Variants in ZNF606 observed in about 807,000 individuals in gnomAD.
The protein encoded by ZNF606 is zinc finger protein 328.
In ZNF606, 37 loss-of-function variants were observed where a neutral mutation model predicts 74.9. The ratio of observed to expected loss-of-function variants is 0.49; its 90% CI spans 0.38 to 0.65. The LOEUF (loss-of-function observed/expected upper bound fraction) is 0.65. Ranked by LOEUF, ZNF606 falls within the 30% of genes least tolerant of loss-of-function variation. The pLI is 0.00. For missense variants in ZNF606, 852 were observed against 952.9 expected (o/e 0.89, Z 1.39); for synonymous variants, 328 against 312.4 (o/e 1.05, Z -0.53).
chr19:57,992,802 T>C (rs929754713), intron 4 of ZNF606, among the ~76,000 whole-genome samples: 11 of 152,134 alleles, frequency 7.2e-5, no homozygotes, highest in Non-Finnish European at 1.6e-4. Context: ...TTGGAATAGA[T>C]GAAAAGAAAT....
At chr19:57,985,071 G>C (rs1169258098) in intron 6 of ZNF606, among the ~76,000 whole-genome samples, 1 of 152,032 alleles carries the variant, frequency 6.6e-6, no homozygotes, top group African/African-American at 2.4e-5. Flanking sequence ...CTTGAGCCTG[G>C]GCGACAGAGC....
At chr19:58,001,100 TA>T in intron 2 of ZNF606, 188 bp downstream of exon 2, 1 of 669,800 alleles carries the variant, frequency 1.5e-6, no homozygotes, top group Non-Finnish European at 2.5e-6. Context: ...GAGATGACTA[TA>T]AAACATAAAA....
chr19:57,981,330 C>T (rs1568574381), intron 6 of ZNF606, among the ~76,000 whole-genome samples: 1 of 152,134 alleles, frequency 6.6e-6, no homozygotes, highest in Non-Finnish European at 1.5e-5. Context: ...CACTGTAATA[C>T]ACCATAATCC....
In ZNF606 at chr19:57,979,443, A is replaced by C; in HGVS notation, c.1237T>G (p.Ser413Ala). Residue 413 changes from serine (S) to alanine (A), a missense_variant, in exon 7 of 7, where the codon TCT (serine) becomes GCT (alanine). Physicochemically the swap from Ser to Ala is moderately conservative, Grantham distance 99 (BLOSUM62 1). Coordinates refer to ENST00000551380, the MANE Select transcript of ZNF606 (RefSeq NM_001348022.3). Reference protein sequence around the residue: ...NECGTSFIWSSYLIQHKKTHT... With the variant: ...NECGTSFIWSAYLIQHKKTHT... Reference sequence around the variant, plus strand: ...GTTTTCTTATGTTGAATAAGGTAAGAGCTCCAGATGAAAGACGTCCCACAT... The same window carrying C: ...GTTTTCTTATGTTGAATAAGGTAAGCGCTCCAGATGAAAGACGTCCCACAT... 1 of 1,614,096 alleles carries C rather than the reference A, an allele frequency of 6.2e-7. No homozygotes were observed. Among genetic ancestry groups the C allele is most frequent in the African/African-American group, 1.3e-5 (1 of 75,024 alleles).
At chr19:58,001,133 A>T (rs2073420953) in intron 2 of ZNF606, 156 bp downstream of exon 2, 2 of 825,494 alleles carry the variant, frequency 2.4e-6, no homozygotes, top group South Asian at 3.5e-5. Context: ...TTATGCCAAC[A>T]ATTTTCCTCC....
In ZNF606 at chr19:57,978,090, T is replaced by TA. The variant is rs1336591658; in HGVS notation, c.*210dup. 2.1e-5 allele frequency: 9 copies of TA among 439,002 alleles called. No homozygotes were observed. The East Asian group carries it at 3.3e-4, about 16-fold the overall frequency. The allele number at this position is 439,002 out of a possible 1,614,324, so 27.2% of individuals were successfully genotyped here. A position where few individuals can be genotyped will look rare whatever the true frequency, so the allele number is the denominator to read the frequency against. Reference sequence around the variant, plus strand: ...GTTTAGAGTTTCCTTCATTGTTAATTATCTGATTTTGAGTAAGGGCTAAAT... The same window carrying TA: ...GTTTAGAGTTTCCTTCATTGTTAATTAATCTGATTTTGAGTAAGGGCTAAAT... On this transcript the variant is annotated 3_prime_UTR_variant, in exon 7 of 7. Coordinates refer to ENST00000551380, the MANE Select transcript of ZNF606 (RefSeq NM_001348022.3). The surrounding 1 kb of genome is among the most constrained non-coding windows in gnomAD (Gnocchi z 4.4).
intron 6 of ZNF606, 38 bp downstream of exon 6, chr19:57,988,169 G>A (rs749278421): frequency 4.5e-6 from 7 of 1,558,474 alleles, no homozygotes; most frequent in Non-Finnish European, 6.1e-6. Flanking sequence ...AGAGGGCTTG[G>A]GGGGAAGTTC....
intron 2 of ZNF606, 27 bp downstream of exon 2, chr19:58,001,262 C>T (rs772776303): frequency 2.5e-6 from 4 of 1,613,610 alleles, no homozygotes; most frequent in African/African-American, 2.7e-5. Context: ...ATAGGGGAGG[C>T]CCAGGAGAAA....
chr19:58,003,281 A>C (rs2073473488), upstream of ZNF606: 1 of 456,650 alleles, frequency 2.2e-6, no homozygotes, highest in Non-Finnish European at 4.4e-6. Flanking sequence ...CTCGTTCCCA[A>C]GTCTCTTTCC....
chr19:57,979,725 A>T lies in ZNF606; in HGVS notation c.955T>A (p.Tyr319Asn). The change falls in exon 7 of 7, where the codon TAT becomes AAT. Residue 319 changes from tyrosine to asparagine, a missense_variant. Around this residue, in one of 3 missense-constraint regions of ZNF606, gnomAD observed 545 missense variants for 542.5 expected, o/e 1.00. Coordinates refer to ENST00000551380, the MANE Select transcript of ZNF606 (RefSeq NM_001348022.3). ...TTAAAGATTTGATGGCATTCCTTAT[A>T]TTCATAGAGTTTTTCTCCTGTGTGA... ...GIHTGEKLYE[Y>N]KECHQIFNQS... The T allele has an allele frequency of 6.2e-7, 1 of 1,613,406 alleles. No individual in the cohort carries two copies. Among genetic ancestry groups the T allele is most frequent in the Non-Finnish European group, 8.5e-7 (1 of 1,179,880 alleles).
chr19:57,989,525 C>T (rs1292823439), intron 4 of ZNF606, among the ~76,000 whole-genome samples: 1 of 152,014 alleles, frequency 6.6e-6, no homozygotes. Flanking sequence ...CAGCTCACTA[C>T]AACCTCTGCC....
At chr19:58,000,134 G>A (rs545743480) in intron 3 of ZNF606, 15 of 536,456 alleles carry the variant, frequency 2.8e-5, no homozygotes, top group African/African-American at 2.3e-4. Flanking sequence ...AGCAGTGTCT[G>A]GTCACAACCT....
intron 4 of ZNF606, among the ~76,000 whole-genome samples, chr19:57,989,331 T>G (rs1179720631): frequency 7.0e-6 from 1 of 142,572 alleles, no homozygotes; most frequent in Non-Finnish European, 1.6e-5. Flanking sequence ...CAATCTAAAC[T>G]GATTTTTTTT....
Position 57,998,018 on chromosome 19 carries a change from C to T in ZNF606, c.177+1790G>A, listed in dbSNP as rs529462525. The T allele has an allele frequency of 1.4e-4, 21 of 152,256 alleles. No homozygotes were observed. The South Asian group carries it at 3.1e-3, about 23-fold the overall frequency. 9.4% of individuals were successfully genotyped at this position (152,256 alleles called of 1,614,324 possible). ...CACCCACCAGATTTGAAACTGTGGGCGGTTTCAATAATATTTTTTAATTTG... is the reference window on the plus strand; with the variant it reads ...CACCCACCAGATTTGAAACTGTGGGTGGTTTCAATAATATTTTTTAATTTG... On this transcript the variant is annotated intron_variant, in intron 4 of 6. Coordinates refer to ENST00000551380, the MANE Select transcript of ZNF606 (RefSeq NM_001348022.3).
At chr19:57,994,779 T>C (rs1427799585) in intron 4 of ZNF606, among the ~76,000 whole-genome samples, 1 of 152,176 alleles carries the variant, frequency 6.6e-6, no homozygotes, top group East Asian at 1.9e-4. Flanking sequence ...GACCTGATAA[T>C]GTCAAGTGTC....
At position 57,978,675 on chromosome 19, in the gene ZNF606, C is replaced by A. The variant is rs1450155766; in HGVS notation, c.2005G>T (p.Ala669Ser). The A allele has an allele frequency of 1.2e-6, 2 of 1,614,098 alleles. No individual in the cohort carries two copies. The highest frequency in any genetic ancestry group is 1.7e-6 in the Non-Finnish European group (2 of 1,180,030). Residue 669 changes from alanine (A) to serine (S), a missense_variant, in exon 7 of 7, where the codon GCT becomes TCT. Physicochemically the swap from Ala to Ser is moderately conservative, Grantham distance 99 (BLOSUM62 1). Around this residue, in one of 3 missense-constraint regions of ZNF606, gnomAD observed 243 missense variants for 359.2 expected, o/e 0.68. Transcript: ENST00000551380. This position sits in a 1 kb window ranked among gnomAD's most constrained non-coding sequence, Gnocchi z 4.4. ...KSFSQSCHLV[A>S]HRRIHTGEKP... ...TCACCAGTGTGAATTCTCCGATGAG[C>A]AACAAGGTGACAGCTCTGACTGAAG...
chr19:57,988,610 G>A lies in ZNF606; in HGVS notation c.289C>T (p.His97Tyr). 1 of 1,613,938 alleles carries A rather than the reference G, an allele frequency of 6.2e-7. No homozygotes were observed. Among genetic ancestry groups the A allele is most frequent in the Non-Finnish European group, 8.5e-7 (1 of 1,179,866 alleles). The change falls in exon 5 of 7, where the codon CAC (histidine) becomes TAC (tyrosine). Residue 97 changes from histidine to tyrosine, a missense_variant. By Grantham distance (83) the His-to-Tyr change is moderately conservative. Around this residue, in one of 3 missense-constraint regions of ZNF606, gnomAD observed 545 missense variants for 542.5 expected, o/e 1.00. Coordinates refer to ENST00000551380, the MANE Select transcript of ZNF606 (RefSeq NM_001348022.3). ...YRDVMLETYGHLLSVGNQIAK... is the reference protein window; with the variant it reads ...YRDVMLETYGYLLSVGNQIAK... ...CCTGCCTTACCCACAGAGAGCAGGT[G>A]ACCATAGGTCTCCAGCATCACATCA...
At chr19:57,990,441 G>A (rs2073240612) in intron 4 of ZNF606, among the ~76,000 whole-genome samples, 1 of 149,938 alleles carries the variant, frequency 6.7e-6, no homozygotes, top group African/African-American at 2.5e-5. Flanking sequence ...GAAAGCTGAA[G>A]AAGTGGGAGG....
chr19:57,980,834 CAAAAA>C (rs55983296), intron 6 of ZNF606, among the ~76,000 whole-genome samples: 1 of 103,838 alleles, frequency 9.6e-6, no homozygotes, highest in Non-Finnish European at 2.0e-5. Flanking sequence ...TACACCGTCT[CAAAAA>C]AAAAAAAAAA....
Sources: allele counts gnomAD v4.1 joint callset (sites outside exome capture counted in the v4.1 genomes callset), GRCh38; gene constraint gnomAD v4.1.1; regional missense constraint gnomAD v4.1.1; non-coding constraint Gnocchi (gnomAD v3.1); transcripts MANE v1.5; gene names NCBI Gene and HGNC (gene_info 2026-07-23, HGNC 2026-07-21).